GOLGB1: variants seen among roughly 807,000 people sequenced by gnomAD.
GOLGB1 encodes golgin subfamily B member 1.
Under a neutral mutation model 336.9 loss-of-function variants are expected in GOLGB1, and 174 were observed. That is an observed-to-expected ratio of 0.52 (90% CI 0.46 to 0.59). The LOEUF is 0.59. GOLGB1 is among the 20% of genes least tolerant of loss of function. The pLI is 0.00. For missense variants in GOLGB1, 3,331 were observed against 3,645.3 expected (o/e 0.91, Z 2.22); for synonymous variants, 1,208 against 1,289.2 (o/e 0.94, Z 1.35).
chr3:121,732,538 G>T (rs1946188283), intron 1 of GOLGB1, among the ~76,000 whole-genome samples: 1 of 152,094 alleles, frequency 6.6e-6, no homozygotes, highest in South Asian at 2.1e-4. Flanking sequence ...ACCAAGTGGG[G>T]TTCAAGAAAT....
In GOLGB1 at chr3:121,668,084, C is replaced by T. The variant is rs762841332; in HGVS notation, c.9396G>A (p.Glu3132=). 4 of 1,605,488 alleles carry T rather than the reference C, an allele frequency of 2.5e-6. No individual in the cohort carries two copies. The highest frequency in any genetic ancestry group is 1.3e-5 in the African/African-American group (1 of 74,436). ...KNGVHRKSDP[E]ELREPQQSFS... ...ACCTTTGCTGCGGTTCCCTTAGTTC[C>T]TCAGGGTCACTCTTTCTGTGAACTC... The change falls in exon 19 of 22, where the codon GAG becomes GAA. Residue 3132 remains glutamate, a synonymous_variant. Coordinates refer to ENST00000614479, the MANE Select transcript of GOLGB1 (RefSeq NM_001366282.2).
In GOLGB1 at chr3:121,693,880, T is replaced by C. The variant is rs750087561; in HGVS notation, c.6643A>G (p.Lys2215Glu). 1 of 1,614,032 alleles carries C rather than the reference T, an allele frequency of 6.2e-7. No homozygotes were observed. Among genetic ancestry groups the C allele is most frequent in the Non-Finnish European group, 8.5e-7 (1 of 1,179,962 alleles). Residue 2215 changes from lysine (K) to glutamate (E), a missense_variant, in exon 13 of 22, where the codon AAA becomes GAA. By Grantham distance (56) the Lys-to-Glu change is moderately conservative. Coordinates refer to ENST00000614479, the MANE Select transcript of GOLGB1 (RefSeq NM_001366282.2). The part of the protein sequence containing the change: ...DRDRVIDEAK[K>E]WERKFSDAIQ... ...GCATCACTAAACTTCCTCTCCCATT[T>C]CTTAGCTTCATCTATCACCCTGTCA...
At chr3:121,670,277 A>G (rs935913369) in intron 17 of GOLGB1, among the ~76,000 whole-genome samples, 6 of 152,176 alleles carry the variant, frequency 3.9e-5, no homozygotes, top group Middle Eastern at 3.2e-3. Flanking sequence ...GACCATGTAC[A>G]TTATATGAGA....
intron 10 of GOLGB1, among the ~76,000 whole-genome samples, chr3:121,705,293 A>G (rs1943717332): frequency 1.3e-5 from 2 of 152,210 alleles, no homozygotes; most frequent in Admixed American, 1.3e-4. Flanking sequence ...ATTTTTGTAA[A>G]AAGATACAGC....
intron 14 of GOLGB1, among the ~76,000 whole-genome samples, chr3:121,687,117 A>T (rs1029545648): frequency 2.0e-5 from 3 of 152,146 alleles, no homozygotes; most frequent in African/African-American, 4.8e-5. Flanking sequence ...TACTAAAAAT[A>T]CAAAAATTAG....
At chr3:121,688,926 G>A (rs1327020765) in intron 14 of GOLGB1, among the ~76,000 whole-genome samples, 1 of 151,364 alleles carries the variant, frequency 6.6e-6, no homozygotes, top group Non-Finnish European at 1.5e-5. Flanking sequence ...CCCCATCTGA[G>A]AAGTGAGGAG....
rs370196021 is a variant in GOLGB1, at chr3:121,688,468, G to A, written c.8694+2202C>T. Among the ~76,000 whole-genome samples the A allele has an allele frequency of 1.1e-3, 164 of 152,374 alleles. 2 individuals are homozygous for A. The highest frequency in any genetic ancestry group is 5.0e-3 in the South Asian group (24 of 4,832). On this transcript the variant is annotated intron_variant, in intron 14 of 21. Transcript: ENST00000614479. ...CTCCCGAGGTGCCGGGATTGCAGAC[G>A]GAGTCTGGTTCACTCAGTGCTCAAT...
At chr3:121,672,213 C>T (rs750540523) in intron 17 of GOLGB1, among the ~76,000 whole-genome samples, 3 of 152,190 alleles carry the variant, frequency 2.0e-5, no homozygotes, top group Non-Finnish European at 4.4e-5. Context: ...CCATACTGTT[C>T]TCCACAGTGG....
intron 17 of GOLGB1, among the ~76,000 whole-genome samples, chr3:121,675,725 T>C (rs1234982111): frequency 6.6e-6 from 1 of 152,260 alleles, no homozygotes; most frequent in Non-Finnish European, 1.5e-5. Flanking sequence ...TTATGATTTG[T>C]TTACTTTTCT....
At chr3:121,741,215 A>C (rs1946830118) in intron 1 of GOLGB1, among the ~76,000 whole-genome samples, 1 of 152,172 alleles carries the variant, frequency 6.6e-6, no homozygotes, top group Non-Finnish European at 1.5e-5. Context: ...AATTTACTAG[A>C]GGCAAAACTT....
rs905559529 is a variant in GOLGB1, at chr3:121,694,296, T to A, written c.6227A>T (p.Lys2076Ile). ...ENLAQAVEHR[K>I]KAQAELASFK... is the part of the protein sequence containing the mutation. ...GCTAGCTAATTCTGCTTGTGCCTTT[T>A]TGCGGTGTTCAACTGCTTGAGCCAG... The change falls in exon 13 of 22, where the codon AAA becomes ATA. Residue 2076 changes from lysine to isoleucine, a missense_variant. Physicochemically the swap from Lys to Ile is moderately radical, Grantham distance 102. Transcript: ENST00000614479. 3 of 1,610,818 alleles carry A rather than the reference T, an allele frequency of 1.9e-6. No individual in the cohort carries two copies. Among genetic ancestry groups the A allele is most frequent in the Non-Finnish European group, 2.5e-6 (3 of 1,179,922 alleles).
At chr3:121,735,674 C>A (rs1560326940) in intron 1 of GOLGB1, among the ~76,000 whole-genome samples, 1 of 152,044 alleles carries the variant, frequency 6.6e-6, no homozygotes, top group Non-Finnish European at 1.5e-5. Flanking sequence ...TCAGAGATAT[C>A]AGTATGAACT....
At chr3:121,727,163 A>G (rs1383956641) in intron 4 of GOLGB1, 122 bp from the exon 5 acceptor site, 1 of 490,402 alleles carries the variant, frequency 2.0e-6, no homozygotes, top group Non-Finnish European at 3.3e-6. Flanking sequence ...GATGGGAGCA[A>G]GAAAAACCAG....
rs759370026 is a variant in GOLGB1 at position 121,698,338 on chromosome 3, A to G, written c.2185T>C (p.Leu729=). 8 of 1,613,534 alleles carry G rather than the reference A, an allele frequency of 5.0e-6. No individual in the cohort carries two copies. Among genetic ancestry groups the G allele is most frequent in the African/African-American group, 2.7e-5 (2 of 74,868 alleles). The stretch of plus-strand genomic sequence containing the variant: ...GCATTTTTCTTAAACTCCTCAATCA[A>G]CTGGTTTAGGTTGCTAATTTCCTTA... ...KAKEISNLNQ[L]IEEFKKNADN... The change falls in exon 13 of 22, where the codon TTG becomes CTG. Residue 729 remains leucine (L), a synonymous_variant. Coordinates refer to ENST00000614479, the MANE Select transcript of GOLGB1 (RefSeq NM_001366282.2).
rs1343866010 is a variant in GOLGB1, at chr3:121,742,542, C to A, written c.-3+7090G>T. 2.0e-5 allele frequency among the ~76,000 whole-genome samples: 3 copies of A among 152,146 alleles called. No homozygotes were observed. In the East Asian group the frequency reaches 5.8e-4, roughly 29 times the overall value. ...AGAAGAAAACCTAGGCAATACCATT[C>A]AGGACATAGGCATGGGCAAAGACTT... On this transcript the variant is annotated intron_variant, in intron 1 of 21. Coordinates refer to ENST00000614479, the MANE Select transcript of GOLGB1 (RefSeq NM_001366282.2).
Position 121,691,909 on chromosome 3 carries a change from A to G in GOLGB1, c.7455T>C (p.Tyr2485=), listed in dbSNP as rs765529295. 103 of 1,614,104 alleles carry G rather than the reference A, an allele frequency of 6.4e-5. 2 individuals carry two copies. The South Asian group carries it at 1.1e-3, about 17-fold the overall frequency. ...AGAGATGTCGCTCTTCCAGCTGTTG[A>G]TAGTCACCCACTATGCGGTCTCGAT... ...QNDRDRIVGD[Y]QQLEERHLSI... Residue 2485 remains tyrosine, a synonymous_variant, in exon 14 of 22, where the codon TAT becomes TAC. Coordinates refer to ENST00000614479, the MANE Select transcript of GOLGB1 (RefSeq NM_001366282.2).
intron 17 of GOLGB1, 30 bp from the exon 18 acceptor site, chr3:121,669,385 C>G: frequency 6.3e-7 from 1 of 1,595,036 alleles, no homozygotes; most frequent in African/African-American, 1.3e-5. Flanking sequence ...AAGCATCATC[C>G]TGCAGTACTG....
chr3:121,690,607 ATAAATT>A, intron 14 of GOLGB1, 57 bp downstream of exon 14: 2 of 822,148 alleles, frequency 2.4e-6, no homozygotes, highest in Non-Finnish European at 3.6e-6. Flanking sequence ...TTCTATAAAA[ATAAATT>A]TAAAGAAAGG....
chr3:121,683,937 G>A (rs181761965), intron 14 of GOLGB1, among the ~76,000 whole-genome samples: 2 of 151,952 alleles, frequency 1.3e-5, no homozygotes, highest in Admixed American at 1.3e-4. Flanking sequence ...AGACCATCCT[G>A]GCCAACATGG....
Sources: allele counts gnomAD v4.1 joint callset (sites outside exome capture counted in the v4.1 genomes callset), GRCh38; gene constraint gnomAD v4.1.1; transcripts MANE v1.5; gene names NCBI Gene and HGNC (gene_info 2026-07-23, HGNC 2026-07-21).